Variants in FGF14 observed in about 807,000 individuals in gnomAD.
The protein encoded by FGF14 is fibroblast growth factor homologous factor 4.
In FGF14, 5 loss-of-function variants were observed where a neutral mutation model predicts 25.5. The observed-to-expected ratio is 0.20, with a 90% CI of 0.10 to 0.41. FGF14 has a LOEUF of 0.41. Among genes scored for constraint, FGF14 ranks in the 10% least tolerant of loss-of-function variants. FGF14 has a pLI of 1.00. For missense variants in FGF14, 222 were observed against 320.1 expected (o/e 0.69, Z 2.34); for synonymous variants, 138 against 118.3 (o/e 1.17, Z -1.08).
At chr13:102,222,159 A>T (rs2050641143) in intron 1 of FGF14, among the ~76,000 whole-genome samples, 1 of 152,162 alleles carries the variant, frequency 6.6e-6, no homozygotes, top group Non-Finnish European at 1.5e-5. Flanking sequence ...TAGCATCGTA[A>T]GTATGTAGTA....
chr13:102,126,466 G>T (rs1254178177), intron 1 of FGF14, among the ~76,000 whole-genome samples: 2 of 152,130 alleles, frequency 1.3e-5, no homozygotes, highest in South Asian at 4.1e-4. Context: ...TCATTCATCT[G>T]TTGATGGACA....
At chr13:102,315,627 T>G (rs2055983562) in intron 1 of FGF14, among the ~76,000 whole-genome samples, 1 of 152,232 alleles carries the variant, frequency 6.6e-6, no homozygotes, top group African/African-American at 2.4e-5. Context: ...TTAGCTGTCT[T>G]GTAATCCTTC....
At chr13:101,738,734 A>T (rs9513941) in intron 3 of FGF14, among the ~76,000 whole-genome samples, 67,106 of 151,806 alleles carry the variant, frequency 0.44, 17,580 homozygotes, top group Non-Finnish European at 0.57. Flanking sequence ...GAATTTTCAT[A>T]TTATATTATG....
chr13:102,177,236 AT>A (rs1336231151), intron 1 of FGF14, among the ~76,000 whole-genome samples: 1 of 152,150 alleles, frequency 6.6e-6, no homozygotes, highest in Non-Finnish European at 1.5e-5. Flanking sequence ...TAGAAAACTG[AT>A]TTTTCTCTCA....
intron 1 of FGF14, among the ~76,000 whole-genome samples, chr13:102,026,790 G>A (rs1302683486): frequency 6.6e-6 from 1 of 151,884 alleles, no homozygotes; most frequent in Non-Finnish European, 1.5e-5. Flanking sequence ...TTCTTACTCT[G>A]AGTCATTATT....
intron 3 of FGF14, among the ~76,000 whole-genome samples, chr13:101,831,677 T>C (rs535289172): frequency 3.9e-5 from 6 of 152,138 alleles, no homozygotes; most frequent in Non-Finnish European, 7.4e-5. Flanking sequence ...CATTTACTTT[T>C]CTACTGTACC....
At chr13:101,962,698 G>C (rs2036938634) in intron 1 of FGF14, among the ~76,000 whole-genome samples, 1 of 150,948 alleles carries the variant, frequency 6.6e-6, no homozygotes, top group Admixed American at 6.7e-5. Flanking sequence ...TTTATATTTT[G>C]AATATAAAAT....
At chr13:102,276,351 G>GTATATATATATATA (rs1291212131) in intron 1 of FGF14, among the ~76,000 whole-genome samples, 26 of 41,624 alleles carry the variant, frequency 6.2e-4, no homozygotes, top group African/African-American at 1.7e-3. Flanking sequence ...GTGTGTGTGT[G>GTATATATATATATA]TGTATATATA....
At chr13:102,312,344 T>C (rs184267634) in intron 1 of FGF14, among the ~76,000 whole-genome samples, 28 of 151,664 alleles carry the variant, frequency 1.8e-4, no homozygotes, top group Admixed American at 3.3e-4. Flanking sequence ...TTTTCAAAAA[T>C]ACTATTTTCA....
At chr13:101,957,512 C>A (rs567774952) in intron 1 of FGF14, among the ~76,000 whole-genome samples, 80 of 152,270 alleles carry the variant, frequency 5.3e-4, no homozygotes, top group African/African-American at 1.9e-3. Flanking sequence ...AACAGCATTG[C>A]CATTGGTCAG....
chr13:102,067,922 T>TA (rs1208086491), intron 1 of FGF14, among the ~76,000 whole-genome samples: 1 of 151,536 alleles, frequency 6.6e-6, no homozygotes, highest in Non-Finnish European at 1.5e-5. Context: ...AAGAAAAAAA[T>TA]AAACACATAA....
intron 1 of FGF14, among the ~76,000 whole-genome samples, chr13:102,161,565 TGAAGAAAGAAAGAAGAAGAAGAAGAA>T (rs2047635041): frequency 3.1e-5 from 3 of 97,988 alleles, no homozygotes; most frequent in South Asian, 3.7e-4. Flanking sequence ...CAACTTTCTG[TGAAGAAAGAAAGAAGAAGAAGAAGAA>T]GAAGAAGAAG....
chr13:101,865,448 A>C (rs1431414351), intron 3 of FGF14, among the ~76,000 whole-genome samples: 2 of 152,132 alleles, frequency 1.3e-5, no homozygotes, highest in Non-Finnish European at 2.9e-5. Context: ...ACCTTCAATC[A>C]AATGGCTTGT....
At chr13:101,820,882 GCTT>G (rs146251791) in intron 3 of FGF14, among the ~76,000 whole-genome samples, 14,138 of 90,730 alleles carry the variant, frequency 0.16, 1,472 homozygotes, top group East Asian at 0.41. Context: ...ATACACTTGT[GCTT>G]CTTTTTAGTC....
chr13:101,724,550 C>G (rs1594035108), intron 4 of FGF14, among the ~76,000 whole-genome samples: 3 of 147,448 alleles, frequency 2.0e-5, no homozygotes, highest in Admixed American at 1.4e-4. Context: ...ATGTCACAAA[C>G]CTGCACGTTG....
chr13:101,799,402 G>A (rs930854087), intron 3 of FGF14, among the ~76,000 whole-genome samples: 1 of 152,008 alleles, frequency 6.6e-6, no homozygotes, highest in Non-Finnish European at 1.5e-5. Context: ...TGTTCTCTTG[G>A]TAAGCAGAGG....
intron 3 of FGF14, among the ~76,000 whole-genome samples, chr13:101,863,289 C>T (rs923586667): frequency 1.3e-5 from 2 of 152,074 alleles, no homozygotes; most frequent in Non-Finnish European, 2.9e-5. Context: ...TATAGCTTTG[C>T]CTTAGTGCTC....
At chr13:102,171,063 A>G (rs934843290) in intron 1 of FGF14, among the ~76,000 whole-genome samples, 8 of 152,166 alleles carry the variant, frequency 5.3e-5, no homozygotes, top group African/African-American at 1.9e-4. Context: ...ACTATAGGAT[A>G]ATATCAATTT....
In FGF14 at chr13:101,896,511, A is replaced by G. The variant is rs60239011; in HGVS notation, c.193+19942T>C. 0.016 allele frequency among the ~76,000 whole-genome samples: 2,433 copies of G among 152,282 alleles called. 166 individuals carry two copies. In the East Asian group the frequency reaches 0.2, roughly 12 times the overall value. On this transcript the variant is annotated intron_variant, in intron 1 of 4. Coordinates refer to ENST00000376143, the MANE Select transcript of FGF14 (RefSeq NM_004115.4). ...CTCATAGTGTGACTCCAACTCCGCA[A>G]TGGAGAAAAACATAATGAGAGGCAG... is the stretch of plus-strand genomic sequence containing the variant.
Sources: allele counts gnomAD v4.1 joint callset (sites outside exome capture counted in the v4.1 genomes callset), GRCh38; gene constraint gnomAD v4.1.1; transcripts MANE v1.5; gene names NCBI Gene and HGNC (gene_info 2026-07-23, HGNC 2026-07-21).